The following TMEM132B variants were observed in gnomAD, a reference collection of about 807,000 sequenced individuals.
The protein encoded by TMEM132B is transmembrane protein 132B.
TMEM132B carries 18 observed loss-of-function variants against 90.8 expected under a neutral mutation model. The ratio of observed to expected loss-of-function variants is 0.20; its 90% CI spans 0.14 to 0.29. The LOEUF is 0.29. Ranked by LOEUF, TMEM132B falls within the 10% of genes least tolerant of loss-of-function variation. TMEM132B has a pLI of 1.00. For synonymous variants in TMEM132B, 504 were observed against 523.3 expected (o/e 0.96, Z 0.50); for missense variants, 1,096 against 1,326.8 (o/e 0.83, Z 2.70).
chr12:125,465,307 A>G (rs1881535279), intron 3 of TMEM132B, among the ~76,000 whole-genome samples: 1 of 152,244 alleles, frequency 6.6e-6, no homozygotes, highest in African/African-American at 2.4e-5. Flanking sequence ...AGTAAGGTCC[A>G]ATGATGAAAA....
chr12:125,648,545 T>C (rs1314853831), intron 6 of TMEM132B, among the ~76,000 whole-genome samples: 4 of 145,484 alleles, frequency 2.7e-5, no homozygotes, highest in African/African-American at 7.9e-5. Flanking sequence ...TTTTTTTTTT[T>C]CTGTTGTTGT....
intron 1 of TMEM132B, among the ~76,000 whole-genome samples, chr12:125,300,759 G>A (rs1161963693): frequency 6.6e-6 from 1 of 152,156 alleles, no homozygotes; most frequent in Non-Finnish European, 1.5e-5. Context: ...AGGCCACACA[G>A]CTGGCAAAGG....
At chr12:125,285,545 T>C (rs1460261691) in intron 1 of TMEM132B, among the ~76,000 whole-genome samples, 1 of 152,184 alleles carries the variant, frequency 6.6e-6, no homozygotes. Context: ...ATTCACACCA[T>C]TCAAGCATGA....
chr12:125,567,003 C>T (rs527985586), intron 4 of TMEM132B, among the ~76,000 whole-genome samples: 130 of 152,036 alleles, frequency 8.6e-4, no homozygotes, highest in African/African-American at 2.8e-3. Flanking sequence ...ACCACCACAC[C>T]GGCTAATTTT....
At chr12:125,561,221 A>G (rs549233782) in intron 4 of TMEM132B, among the ~76,000 whole-genome samples, 9 of 152,290 alleles carry the variant, frequency 5.9e-5, no homozygotes, top group Middle Eastern at 6.8e-3. Context: ...TGTGCTTTGC[A>G]GGGACGTGGA....
intron 2 of TMEM132B, among the ~76,000 whole-genome samples, chr12:125,378,375 T>A (rs752329711): frequency 6.2e-4 from 94 of 152,296 alleles, no homozygotes; most frequent in South Asian, 1.2e-3. Flanking sequence ...TCAAATCCAA[T>A]GACAGTGCCT....
intron 5 of TMEM132B, among the ~76,000 whole-genome samples, chr12:125,610,878 C>T (rs1224725944): frequency 6.6e-6 from 1 of 151,894 alleles, no homozygotes; most frequent in Non-Finnish European, 1.5e-5. Flanking sequence ...GTTTTGATAC[C>T]AGGATAAAAT....
At chr12:125,283,821 G>T (rs1403869885) in intron 1 of TMEM132B, among the ~76,000 whole-genome samples, 1 of 152,220 alleles carries the variant, frequency 6.6e-6, no homozygotes, top group Non-Finnish European at 1.5e-5. Flanking sequence ...AGAGATACTA[G>T]GAGTTTCAGT....
At chr12:125,235,840 G>A in intron 1 of TMEM132B, among the ~76,000 whole-genome samples, 1 of 106,024 alleles carries the variant, frequency 9.4e-6, no homozygotes, top group Non-Finnish European at 1.7e-5. Context: ...GTCTTGCTCT[G>A]TTGTCCAGGC....
intron 3 of TMEM132B, among the ~76,000 whole-genome samples, chr12:125,468,895 G>A (rs963767386): frequency 6.6e-6 from 1 of 152,042 alleles, no homozygotes; most frequent in African/African-American, 2.4e-5. Flanking sequence ...TTTTCAGATT[G>A]TTCATTGTTA....
intron 3 of TMEM132B, among the ~76,000 whole-genome samples, chr12:125,456,140 G>A (rs369949031): frequency 2.0e-5 from 3 of 152,260 alleles, no homozygotes; most frequent in Middle Eastern, 3.4e-3. Context: ...TCCAATTCCC[G>A]CTGGACATGT....
At chr12:125,524,538 G>A (rs138639656) in intron 4 of TMEM132B, among the ~76,000 whole-genome samples, 174 of 152,316 alleles carry the variant, frequency 1.1e-3, no homozygotes, top group East Asian at 8.9e-3. Context: ...TTATTTATCT[G>A]TAAACTGTAA....
intron 3 of TMEM132B, among the ~76,000 whole-genome samples, chr12:125,450,019 C>T (rs1881108225): frequency 6.6e-6 from 1 of 151,982 alleles, no homozygotes; most frequent in Admixed American, 6.6e-5. Flanking sequence ...CACATTTGTA[C>T]CTGTATATAT....
chr12:125,412,304 G>A (rs1240407088), intron 2 of TMEM132B, among the ~76,000 whole-genome samples: 1 of 152,248 alleles, frequency 6.6e-6, no homozygotes, highest in African/African-American at 2.4e-5. Context: ...CCGTGGGTAC[G>A]TGTTGTATCT....
At chr12:125,323,230 G>T (rs1242645118) in intron 1 of TMEM132B, among the ~76,000 whole-genome samples, 6 of 152,164 alleles carry the variant, frequency 3.9e-5, no homozygotes, top group African/African-American at 1.4e-4. Context: ...GAGTTCAGGA[G>T]TTCGAGACCA....
In TMEM132B at chr12:125,561,075, A is replaced by G. The variant is rs944290651; in HGVS notation, c.1294-22776A>G. Among the ~76,000 whole-genome samples the G allele has an allele frequency of 2.6e-5, 4 of 152,166 alleles. No individual in the cohort carries two copies. The East Asian group carries it at 5.8e-4, about 22-fold the overall frequency. On this transcript the variant is annotated intron_variant, in intron 4 of 8. Transcript: ENST00000682704. The stretch of plus-strand genomic sequence containing the variant: ...CTACTATAAAGACACATGCACACAT[A>G]TGTTTATTGCGGCACTATTCACAAT...
intron 4 of TMEM132B, among the ~76,000 whole-genome samples, chr12:125,547,431 TG>T (rs1246165668): frequency 1.6e-4 from 25 of 152,354 alleles, no homozygotes; most frequent in African/African-American, 4.8e-4. Flanking sequence ...GGGCTATTTG[TG>T]TGTTGTCTTT....
At chr12:125,595,635 T>C (rs553449998) in intron 5 of TMEM132B, among the ~76,000 whole-genome samples, 2 of 152,284 alleles carry the variant, frequency 1.3e-5, no homozygotes, top group South Asian at 4.1e-4. Context: ...AATAATCCTG[T>C]GAGGCCTGAC....
intron 1 of TMEM132B, among the ~76,000 whole-genome samples, chr12:125,262,083 G>T (rs548294245): frequency 3.2e-4 from 49 of 152,130 alleles, no homozygotes; most frequent in African/African-American, 1.1e-3. Context: ...GCTAAACTTG[G>T]CATTAAGTTT....
Sources: gnomAD v4.1 joint callset for allele counts (sites outside exome capture counted in the v4.1 genomes callset) on GRCh38, gnomAD v4.1.1 for gene constraint, MANE v1.5 for transcripts, NCBI Gene and HGNC (gene_info 2026-07-23, HGNC 2026-07-21) for gene names.